The following INTU variants were observed in gnomAD, a reference collection of about 807,000 sequenced individuals.
INTU encodes the protein protein inturned.
In INTU, 68 loss-of-function variants were observed where a neutral mutation model predicts 100.5. The ratio of observed to expected loss-of-function variants is 0.68; its 90% CI spans 0.56 to 0.83. INTU has a LOEUF of 0.83. Ranked by LOEUF, INTU falls within the 40% of genes least tolerant of loss-of-function variation. The pLI is 0.00. For missense variants in INTU, 1,071 were observed against 1,114.7 expected, an observed-to-expected ratio of 0.96 and a Z score of 0.56; for synonymous variants, 357 against 395.7, an observed-to-expected ratio of 0.90 and a Z score of 1.16.
At chr4:127,700,999 G>A (rs1057135721) in intron 9 of INTU, among the ~76,000 whole-genome samples, 15 of 152,196 alleles carry the variant, frequency 9.9e-5, no homozygotes, top group African/African-American at 3.6e-4. Context: ...TCACCATTTT[G>A]CAGTCCCTCA....
In INTU at chr4:127,642,848, CT is replaced by C. The variant is rs201935602; in HGVS notation, c.147-663del. 7.2e-3 allele frequency among the ~76,000 whole-genome samples: 1,030 copies of C among 143,856 alleles called. 8 individuals are homozygous for C. The highest frequency in any genetic ancestry group is 0.03 in the South Asian group (136 of 4,512). The allele number at this position is 143,856 out of a possible 152,430, so 94.4% of individuals were successfully genotyped here. A position where few individuals can be genotyped will look rare whatever the true frequency, so the allele number is the denominator to read the frequency against. On this transcript the variant is annotated intron_variant, in intron 1 of 15. Transcript: ENST00000335251. The stretch of plus-strand genomic sequence containing the variant: ...ATCACGATGAATTATGTAATATGTG[CT>C]TTTTTTTTTCTACTACAATTTTTCA...
rs1232840139 is a variant in INTU, at chr4:127,719,574, T to C, written c.*3138T>C. 3.9e-5 allele frequency: 6 copies of C among 152,206 alleles called. No individual in the cohort carries two copies. Among genetic ancestry groups the C allele is most frequent in the Non-Finnish European group, 5.9e-5 (4 of 68,036 alleles). 9.4% of individuals were successfully genotyped at this position (152,206 alleles called of 1,614,324 possible). Reference sequence around the variant, plus strand: ...AAGAAGTGGTATCAGCTTCTTTTTGTATTTCTGGCAGAATTCAGCTGTAGA... The same window carrying C: ...AAGAAGTGGTATCAGCTTCTTTTTGCATTTCTGGCAGAATTCAGCTGTAGA... On this transcript the variant is annotated 3_prime_UTR_variant, in exon 16 of 16. Coordinates refer to ENST00000335251, the MANE Select transcript of INTU (RefSeq NM_015693.4).
intron 8 of INTU, 25 bp downstream of exon 8, chr4:127,687,892 A>C: frequency 6.8e-7 from 1 of 1,470,686 alleles, no homozygotes; most frequent in South Asian, 1.4e-5. Context: ...TATAAAGCAG[A>C]AGCAGAACCA....
intron 6 of INTU, among the ~76,000 whole-genome samples, chr4:127,681,939 C>A (rs574585633): frequency 3.9e-5 from 6 of 152,032 alleles, no homozygotes; most frequent in South Asian, 4.2e-4. Flanking sequence ...AAAAAGTGGG[C>A]GAAGGACATG....
chr4:127,689,474 A>C (rs1022293117), intron 8 of INTU, among the ~76,000 whole-genome samples: 1 of 151,684 alleles, frequency 6.6e-6, no homozygotes, highest in East Asian at 1.9e-4. Context: ...ACATATGGAG[A>C]CCCTATCTCC....
intron 8 of INTU, among the ~76,000 whole-genome samples, chr4:127,689,432 T>C (rs550926322): frequency 6.6e-6 from 1 of 152,236 alleles, no homozygotes; most frequent in East Asian, 1.9e-4. Context: ...GGAGGATCAC[T>C]TGAGGCCAAG....
chr4:127,705,843 T>A, intron 11 of INTU, 31 bp downstream of exon 11: 1 of 1,547,468 alleles, frequency 6.5e-7, no homozygotes, highest in Non-Finnish European at 8.9e-7. Flanking sequence ...TTCTTAGGAT[T>A]TTTCTTCTTT....
intron 2 of INTU, among the ~76,000 whole-genome samples, chr4:127,653,524 G>C (rs1023791673): frequency 2.0e-5 from 3 of 152,016 alleles, no homozygotes; most frequent in Non-Finnish European, 4.4e-5. Flanking sequence ...CCATGTAGTT[G>C]AGCAGTTTTG....
Position 127,710,904 on chromosome 4 carries a change from C to A in INTU, c.2370-9C>A, listed in dbSNP as rs1300870492. On this transcript the variant is annotated splice_polypyrimidine_tract_variant and intron_variant, in intron 13 of 15. Coordinates refer to ENST00000335251, the MANE Select transcript of INTU (RefSeq NM_015693.4). ...TTTTTTCTTCTCTTTGATTTTTTTTCTTTTTAAGACTGACATCTGGTCCTG... is the reference window on the plus strand; with the variant it reads ...TTTTTTCTTCTCTTTGATTTTTTTTATTTTTAAGACTGACATCTGGTCCTG... 1 of 1,393,382 alleles carries A rather than the reference C, an allele frequency of 7.2e-7. No homozygotes were observed. The highest frequency in any genetic ancestry group is 2.6e-5 in the East Asian group (1 of 39,092). 86.3% of individuals were successfully genotyped at this position (1,393,382 alleles called of 1,614,324 possible).
intron 8 of INTU, among the ~76,000 whole-genome samples, chr4:127,691,520 T>C (rs1371871393): frequency 6.6e-6 from 1 of 152,168 alleles, no homozygotes; most frequent in African/African-American, 2.4e-5. Context: ...CCATATGATG[T>C]GGAATATCTT....
intron 9 of INTU, among the ~76,000 whole-genome samples, chr4:127,702,627 T>C (rs571897476): frequency 3.3e-5 from 5 of 152,196 alleles, no homozygotes; most frequent in Non-Finnish European, 7.4e-5. Flanking sequence ...CATTGAATTT[T>C]GCCTTTAAAA....
intron 7 of INTU, chr4:127,686,092 C>G (rs1053408582): frequency 2.6e-5 from 4 of 151,848 alleles, no homozygotes; most frequent in Non-Finnish European, 4.4e-5. Context: ...TATTAAGGGC[C>G]AATTGTGAAA....
rs918920376 is a variant in INTU, at chr4:127,647,225, G to A, written c.682+3169G>A. Among the ~76,000 whole-genome samples the A allele has an allele frequency of 5.3e-5, 8 of 152,186 alleles. No homozygotes were observed. The East Asian group carries it at 1.2e-3, about 22-fold the overall frequency. On this transcript the variant is annotated intron_variant, in intron 2 of 15. Transcript: ENST00000335251. ...GCCGTGACAAATTACCACAAACTTA[G>A]TGGTTTAAAACAATACAGATTTATC...
chr4:127,724,120 A>G lies in INTU; in HGVS notation c.*7684A>G, dbSNP rs943913197. 22 of 151,832 alleles carry G rather than the reference A, an allele frequency of 1.4e-4. No homozygotes were observed. The highest frequency in any genetic ancestry group is 3.2e-4 in the Non-Finnish European group (22 of 67,966). The allele number at this position is 151,832 out of a possible 1,614,324, so 9.4% of individuals were successfully genotyped here. A position where few individuals can be genotyped will look rare whatever the true frequency, so the allele number is the denominator to read the frequency against. ...CTAAAATTCTATGGTGACTTCTTTTATAAAATACTAATTTTTGGCCGGGCA... is the reference window on the plus strand; with the variant it reads ...CTAAAATTCTATGGTGACTTCTTTTGTAAAATACTAATTTTTGGCCGGGCA... On this transcript the variant is annotated 3_prime_UTR_variant, in exon 16 of 16. Coordinates refer to ENST00000335251, the MANE Select transcript of INTU (RefSeq NM_015693.4).
chr4:127,639,294 C>T (rs1727206708), intron 1 of INTU, among the ~76,000 whole-genome samples: 1 of 152,008 alleles, frequency 6.6e-6, no homozygotes, highest in Non-Finnish European at 1.5e-5. Context: ...ACCTTGATCA[C>T]TTGGTTATGT....
rs138569727 is a variant in INTU, at chr4:127,683,159, G to A, written c.1182-1250G>A. ...TTCTCAATCTTTATTAAACAGGGTG[G>A]GGGAAGGGAGGCCATCTTCCCTAAA... On this transcript the variant is annotated intron_variant, in intron 6 of 15. Transcript: ENST00000335251. Among the ~76,000 whole-genome samples the A allele has an allele frequency of 7.8e-4, 119 of 152,262 alleles. No individual in the cohort carries two copies. In the Middle Eastern group the frequency reaches 0.01, roughly 13 times the overall value.
intron 7 of INTU, chr4:127,685,526 A>G (rs965180994): frequency 1.1e-5 from 5 of 454,090 alleles, no homozygotes; most frequent in African/African-American, 2.0e-5. Flanking sequence ...CTGAGGAGGC[A>G]CATCCCTGTC....
At chr4:127,648,598 C>G (rs1331444755) in intron 2 of INTU, among the ~76,000 whole-genome samples, 1 of 152,086 alleles carries the variant, frequency 6.6e-6, no homozygotes. Flanking sequence ...TTTAAAGTAA[C>G]AAATTTAAAA....
At position 127,708,573 on chromosome 4, in the gene INTU, C is replaced by T. The variant is rs767652384; in HGVS notation, c.2274C>T (p.Val758=). 6.5e-7 allele frequency: 1 copy of T among 1,538,168 alleles called. No homozygotes were observed. Among genetic ancestry groups the T allele is most frequent in the Non-Finnish European group, 8.9e-7 (1 of 1,119,832 alleles). The change falls in exon 13 of 16, where the codon GTC becomes GTT. Residue 758 remains valine, a splice_region_variant and synonymous_variant. Transcript: ENST00000335251. ...ATCTACTTAACTATATTTTTCAGGTCACTAAAAAGAAGTCTACTCTTCCAA... is the reference window on the plus strand; with the variant it reads ...ATCTACTTAACTATATTTTTCAGGTTACTAAAAAGAAGTCTACTCTTCCAA... ...GLEESGTLLK[V]TKKKSTLPNP...
Sources: allele counts gnomAD v4.1 joint callset (sites outside exome capture counted in the v4.1 genomes callset), GRCh38; gene constraint gnomAD v4.1.1; transcripts MANE v1.5; gene names NCBI Gene and HGNC (gene_info 2026-07-23, HGNC 2026-07-21).